NAT9: variants seen among roughly 807,000 people sequenced by gnomAD.
NAT9 encodes N-acetyltransferase 9, also known as alpha/beta-tubulin-N-acetyltransferase 9.
NAT9 carries 18 observed loss-of-function variants against 24.0 expected under a neutral mutation model. That is an observed-to-expected ratio of 0.75 (90% CI 0.52 to 1.11). The LOEUF (loss-of-function observed/expected upper bound fraction) is 1.11. Ranked by LOEUF, NAT9 falls within the 50% of genes most tolerant of loss-of-function variation. NAT9 has a pLI of 0.00. For synonymous variants in NAT9, 104 were observed against 102.3 expected, an observed-to-expected ratio of 1.02 and a Z score of -0.10; for missense variants, 254 against 258.6, an observed-to-expected ratio of 0.98 and a Z score of 0.12.
chr17:74,771,569 G>T lies in NAT9; in HGVS notation c.*155C>A. On this transcript the variant is annotated 3_prime_UTR_variant, in exon 7 of 7. Transcript: ENST00000357814. The stretch of plus-strand genomic sequence containing the variant: ...TGCTCAGCCACACCACTAGCTGGAG[G>T]GAGGCCACAGCAAGCCCCGCCAGAG... 8.4e-7 allele frequency: 1 copy of T among 1,196,130 alleles called. No homozygotes were observed. Among genetic ancestry groups the T allele is most frequent in the South Asian group, 1.5e-5 (1 of 66,510 alleles). The allele number at this position is 1,196,130 out of a possible 1,614,324, so 74.1% of individuals were successfully genotyped here. A position where few individuals can be genotyped will look rare whatever the true frequency, so the allele number is the denominator to read the frequency against.
chr17:74,772,880 G>A lies in NAT9; in HGVS notation c.334+16C>T. On this transcript the variant is annotated intron_variant, in intron 4 of 6. Coordinates refer to ENST00000357814, the MANE Select transcript of NAT9 (RefSeq NM_015654.5). ...GAGCCGGGAGTCAGCGGAAGGCAGG[G>A]CTAGGTGAAACAAACCTGCAATCAT... 6 of 1,614,058 alleles carry A rather than the reference G, an allele frequency of 3.7e-6. No individual in the cohort carries two copies. Among genetic ancestry groups the A allele is most frequent in the Non-Finnish European group, 5.1e-6 (6 of 1,179,960 alleles).
chr17:74,772,559 A>C, intron 4 of NAT9: 1 of 1,372,056 alleles, frequency 7.3e-7, no homozygotes, highest in South Asian at 1.6e-5. Context: ...GAAGGAGCAG[A>C]AACAGGAGGG....
rs559143108 is a variant in NAT9 at position 74,774,042 on chromosome 17, C to G, written c.78-354G>C. On this transcript the variant is annotated intron_variant, in intron 2 of 6. Coordinates refer to ENST00000357814, the MANE Select transcript of NAT9 (RefSeq NM_015654.5). ...CCCACGAAGTTAGGGCACCAGGAAC[C>G]CTCAAACGGAAAACTACAAGTAGAG... is the stretch of plus-strand genomic sequence containing the variant. 7 of 217,328 alleles carry G rather than the reference C, an allele frequency of 3.2e-5. No individual in the cohort carries two copies. The East Asian group carries it at 6.0e-4, about 19-fold the overall frequency. 13.5% of individuals were successfully genotyped at this position (217,328 alleles called of 1,614,324 possible).
rs535978682 is a variant in NAT9 at position 74,771,832 on chromosome 17, C to T, written c.516G>A (p.Glu172=). The change falls in exon 7 of 7, where the codon GAG becomes GAA. Residue 172 remains glutamate, a synonymous_variant. Coordinates refer to ENST00000357814, the MANE Select transcript of NAT9 (RefSeq NM_015654.5). The part of the protein sequence containing the change: ...EQVATSSVFQ[E]VTLRLTVSES... ...CACTCACTGTCAGTCTGAGGGTCAC[C>T]TCCTGAAAAACACTGCTCGTAGCCA... 2.5e-6 allele frequency: 4 copies of T among 1,614,206 alleles called. No homozygotes were observed. The South Asian group carries it at 4.4e-5, about 18-fold the overall frequency.
intron 5 of NAT9, 58 bp downstream of exon 5, chr17:74,772,160 G>T: frequency 1.2e-6 from 2 of 1,613,988 alleles, no homozygotes; most frequent in South Asian, 1.1e-5. Context: ...CCTCACACCT[G>T]AACAAAGTTC....
At chr17:74,775,834 G>A (rs1203147316) in intron 1 of NAT9, 127 bp from the exon 2 acceptor site, 3 of 617,134 alleles carry the variant, frequency 4.9e-6, no homozygotes, top group African/African-American at 3.7e-5. Flanking sequence ...ACACTTCAAA[G>A]AATACAGACT....
Position 74,773,054 on chromosome 17 carries a change from ACAGGGC to A in NAT9, c.191-21_191-16del. The A allele has an allele frequency of 6.2e-7, 1 of 1,612,964 alleles. No individual in the cohort carries two copies. The highest frequency in any genetic ancestry group is 8.5e-7 in the Non-Finnish European group (1 of 1,179,660). ...GAAGGTACACTCTGAGGAGGAGGTG[ACAGGGC>A]TATCACACACACTCCCCAGAGGAGA... On this transcript the variant is annotated splice_polypyrimidine_tract_variant and intron_variant, in intron 3 of 6. Transcript: ENST00000357814.
In NAT9 at chr17:74,773,696, A is replaced by G. The variant is rs780399497; in HGVS notation, c.78-8T>C. On this transcript the variant is annotated splice_region_variant and splice_polypyrimidine_tract_variant and intron_variant, in intron 2 of 6. Transcript: ENST00000357814. The stretch of plus-strand genomic sequence containing the variant: ...ATCCACTCGTGGTACCTGCTGGGAC[A>G]GAGGGGTGGCTTTAGACATGGAGGA... The G allele has an allele frequency of 6.2e-7, 1 of 1,613,358 alleles. No individual in the cohort carries two copies. Among genetic ancestry groups the G allele is most frequent in the South Asian group, 1.1e-5 (1 of 91,068 alleles).
intron 2 of NAT9, chr17:74,773,920 G>A: frequency 2.1e-6 from 1 of 482,626 alleles, no homozygotes; most frequent in South Asian, 2.1e-5. Context: ...TCCTGTCTCG[G>A]GTCAGTGCGG....
At chr17:74,776,160 G>C (rs1199345390) in intron 1 of NAT9, 107 bp downstream of exon 1, 1 of 153,940 alleles carries the variant, frequency 6.5e-6, no homozygotes, top group African/African-American at 2.4e-5. Context: ...GACCACTTCA[G>C]GGCAAGGCGG....
chr17:74,772,520 G>C (rs1337022228), intron 4 of NAT9: 1 of 1,415,096 alleles, frequency 7.1e-7, no homozygotes, highest in South Asian at 1.6e-5. Flanking sequence ...GGGATAGTCA[G>C]TAGCCACTTG....
At chr17:74,773,748 CT>C in intron 2 of NAT9, 60 bp from the exon 3 acceptor site, 1 of 1,365,416 alleles carries the variant, frequency 7.3e-7, no homozygotes, top group Non-Finnish European at 1.0e-6. Flanking sequence ...CGTCTGACAC[CT>C]TATGAGGGTC....
chr17:74,772,640 G>T, intron 4 of NAT9: 2 of 1,283,940 alleles, frequency 1.6e-6, no homozygotes, highest in Non-Finnish European at 2.1e-6. Flanking sequence ...CCCAACTATG[G>T]GACTAACCAT....
Position 74,772,935 on chromosome 17 carries a change from C to T in NAT9, c.295G>A (p.Glu99Lys), listed in dbSNP as rs1173625848. ...TCGATCTCCCCCAAGGTGAGGTCTT[C>T]TAGATCTGTGAGGAAGAGGTTCACA... ...GDVNLFLTDL[E>K]DLTLGEIEVM... Residue 99 changes from glutamate (E) to lysine (K), a missense_variant, in exon 4 of 7, where the codon GAA becomes AAA. Coordinates refer to ENST00000357814, the MANE Select transcript of NAT9 (RefSeq NM_015654.5). 1.2e-6 allele frequency: 2 copies of T among 1,614,088 alleles called. No homozygotes were observed. The highest frequency in any genetic ancestry group is 1.7e-6 in the Non-Finnish European group (2 of 1,180,038).
chr17:74,773,089 G>T, intron 3 of NAT9, 50 bp from the exon 4 acceptor site: 1 of 1,598,628 alleles, frequency 6.3e-7, no homozygotes. Flanking sequence ...GAGGAGAGAA[G>T]AGAGGATGGT....
chr17:74,772,548 T>C (rs1219483143), intron 4 of NAT9: 3 of 1,404,694 alleles, frequency 2.1e-6, no homozygotes, highest in South Asian at 1.6e-5. Context: ...CTGAGGACCA[T>C]GAAGGAGCAG....
Position 74,774,644 on chromosome 17 carries a change from G to A in NAT9, c.78-956C>T, listed in dbSNP as rs574204881. 8.3e-5 allele frequency among the ~76,000 whole-genome samples: 12 copies of A among 144,556 alleles called. No individual in the cohort carries two copies. The East Asian group carries it at 1.9e-3, about 23-fold the overall frequency. 94.8% of individuals were successfully genotyped at this position (144,556 alleles called of 152,430 possible). A position where few individuals can be genotyped will look rare whatever the true frequency, so the allele number is the denominator to read the frequency against. The stretch of plus-strand genomic sequence containing the variant: ...CGGCTCACTGTAAGCTCCGCCTCCC[G>A]GGTTCACACATTCTCCTGCCTCAGC... On this transcript the variant is annotated intron_variant, in intron 2 of 6. Transcript: ENST00000357814.
Position 74,775,630 on chromosome 17 carries a change from AT to A in NAT9, c.68del (p.His23LeufsTer10). On this transcript the variant is annotated frameshift_variant, in exon 2 of 7. Coordinates refer to ENST00000357814, the MANE Select transcript of NAT9 (RefSeq NM_015654.5). LOFTEE classifies it high-confidence loss of function. ...TCAAGCGGGAAAGATACCTGGGCAC[AT>A]GCTCCGAGGTGTAGGGTACAAGGAC... Reference protein sequence around the residue: ...KVVLVPYTSEHVPSRYHEWMK... With the variant: ...KVVLVPYTSEXVPSRYHEWMK... 1 of 1,613,922 alleles carries A rather than the reference AT, an allele frequency of 6.2e-7. No individual in the cohort carries two copies. The highest frequency in any genetic ancestry group is 8.5e-7 in the Non-Finnish European group (1 of 1,179,812).
intron 1 of NAT9, 118 bp from the exon 2 acceptor site, chr17:74,775,825 C>CCTG: frequency 1.4e-6 from 1 of 690,518 alleles, no homozygotes; most frequent in Non-Finnish European, 2.5e-6. Flanking sequence ...TCCGTCTAGA[C>CCTG]ACTTCAAAGA....
Sources: gnomAD v4.1 joint callset for allele counts (sites outside exome capture counted in the v4.1 genomes callset) on GRCh38, gnomAD v4.1.1 for gene constraint, MANE v1.5 for transcripts, NCBI Gene and HGNC (gene_info 2026-07-23, HGNC 2026-07-21) for gene names.